PDE7B: variants seen among roughly 807,000 people sequenced by gnomAD.
The protein encoded by PDE7B is phosphodiesterase 7B.
PDE7B carries 29 observed loss-of-function variants against 56.2 expected under a neutral mutation model. The observed-to-expected ratio is 0.52, with a 90% CI of 0.38 to 0.70. The LOEUF is 0.70. Ranked by LOEUF, PDE7B falls within the 30% of genes least tolerant of loss-of-function variation. The pLI is 0.00. For missense variants in PDE7B, 490 were observed against 565.0 expected (o/e 0.87, Z 1.35); for synonymous variants, 197 against 196.9 (o/e 1.00, Z 0.00).
chr6:135,912,130 A>C (rs960653783), intron 1 of PDE7B, among the ~76,000 whole-genome samples: 1 of 152,200 alleles, frequency 6.6e-6, no homozygotes, highest in Non-Finnish European at 1.5e-5. Context: ...GTAAATGTCC[A>C]TGCATGCAAC....
At chr6:135,984,833 C>T (rs1038868348) in intron 2 of PDE7B, among the ~76,000 whole-genome samples, 2 of 152,028 alleles carry the variant, frequency 1.3e-5, no homozygotes, top group African/African-American at 4.8e-5. Flanking sequence ...GACGTGTATA[C>T]AGAGTCTGCA....
chr6:136,026,785 A>T (rs1023976211), intron 2 of PDE7B, among the ~76,000 whole-genome samples: 1 of 152,244 alleles, frequency 6.6e-6, no homozygotes, highest in Non-Finnish European at 1.5e-5. Flanking sequence ...AAGCATTCAA[A>T]GGAAGTGCTT....
intron 1 of PDE7B, among the ~76,000 whole-genome samples, chr6:135,899,052 G>A (rs1222566846): frequency 6.6e-6 from 1 of 151,992 alleles, no homozygotes; most frequent in Non-Finnish European, 1.5e-5. Flanking sequence ...CCTGAGATCT[G>A]GTGGTTTTAT....
intron 2 of PDE7B, among the ~76,000 whole-genome samples, chr6:136,040,415 A>G (rs1776393847): frequency 1.3e-5 from 2 of 152,154 alleles, no homozygotes; most frequent in South Asian, 4.1e-4. Flanking sequence ...CCCAAAGATG[A>G]GTGGCTTCAC....
chr6:136,191,282 C>T (rs1355936620), intron 12 of PDE7B, among the ~76,000 whole-genome samples: 1 of 152,204 alleles, frequency 6.6e-6, no homozygotes, highest in African/African-American at 2.4e-5. Context: ...CATTATCTTG[C>T]TTGCCCTTCT....
At chr6:135,878,943 C>A (rs764512139) in intron 1 of PDE7B, among the ~76,000 whole-genome samples, 10 of 152,044 alleles carry the variant, frequency 6.6e-5, no homozygotes, top group Admixed American at 6.5e-4. Context: ...ATATTATGAA[C>A]ACTAGCCCTT....
At chr6:136,037,319 C>T (rs916285116) in intron 2 of PDE7B, 9 of 649,982 alleles carry the variant, frequency 1.4e-5, no homozygotes, top group South Asian at 6.8e-5. Context: ...TCGCATCTTT[C>T]GGAGTTAACT....
chr6:136,036,035 G>A (rs1402970799), intron 2 of PDE7B, among the ~76,000 whole-genome samples: 1 of 152,216 alleles, frequency 6.6e-6, no homozygotes, highest in African/African-American at 2.4e-5. Context: ...TGTCAAGGAA[G>A]TTTGTGACTG....
chr6:135,883,685 T>G (rs191409562), intron 1 of PDE7B, among the ~76,000 whole-genome samples: 3 of 152,316 alleles, frequency 2.0e-5, no homozygotes, highest in African/African-American at 7.2e-5. Context: ...CTGTCTTTGG[T>G]CTACACTCTT....
At chr6:135,934,737 A>T (rs796140395) in intron 1 of PDE7B, among the ~76,000 whole-genome samples, 161 of 100,326 alleles carry the variant, frequency 1.6e-3, no homozygotes, top group East Asian at 0.014. Flanking sequence ...CTCAAAAAAA[A>T]AAATATATAT....
At position 136,002,383 on chromosome 6, in the gene PDE7B, C is replaced by G. The variant is rs1284056160; in HGVS notation, c.82+54859C>G. 2.0e-5 allele frequency among the ~76,000 whole-genome samples: 3 copies of G among 152,218 alleles called. No individual in the cohort carries two copies. In the South Asian group the frequency reaches 6.2e-4, roughly 32 times the overall value. On this transcript the variant is annotated intron_variant, in intron 2 of 12. Transcript: ENST00000308191. ...TTTAAATATAAATGGACTAAATGCT[C>G]CAATTAAAAGACACAGACTGAGAAA... is the stretch of plus-strand genomic sequence containing the variant.
intron 1 of PDE7B, among the ~76,000 whole-genome samples, chr6:135,865,790 A>C (rs759737307): frequency 7.2e-5 from 11 of 152,198 alleles, no homozygotes; most frequent in Non-Finnish European, 1.3e-4. Context: ...ATCTGATTTC[A>C]CATTGAATTA....
chr6:136,043,643 A>G, intron 2 of PDE7B, among the ~76,000 whole-genome samples: 1 of 149,056 alleles, frequency 6.7e-6, no homozygotes, highest in East Asian at 2.0e-4. Flanking sequence ...GTAAATGTAT[A>G]CTCTCATAAT....
chr6:135,986,294 G>T (rs1775375203), intron 2 of PDE7B, among the ~76,000 whole-genome samples: 1 of 152,166 alleles, frequency 6.6e-6, no homozygotes, highest in Non-Finnish European at 1.5e-5. Context: ...CCTCTGAGTG[G>T]ATTATGTGAA....
At chr6:136,157,692 C>T (rs1405034698) in intron 8 of PDE7B, among the ~76,000 whole-genome samples, 1 of 152,060 alleles carries the variant, frequency 6.6e-6, no homozygotes, top group East Asian at 1.9e-4. Context: ...GAAGGAGAAA[C>T]TGATTCTGCA....
At chr6:136,038,332 C>T in intron 2 of PDE7B, 1 of 1,292,504 alleles carries the variant, frequency 7.7e-7, no homozygotes, top group Non-Finnish European at 1.0e-6. Context: ...CAGAGCTAGG[C>T]AGGAGGTGGA....
chr6:136,088,490 A>T (rs1306220796), intron 2 of PDE7B, among the ~76,000 whole-genome samples: 1 of 152,212 alleles, frequency 6.6e-6, no homozygotes, highest in Non-Finnish European at 1.5e-5. Flanking sequence ...GGGACACATT[A>T]AAAGTCTTCA....
chr6:136,164,253 C>T (rs1226151328), intron 8 of PDE7B, among the ~76,000 whole-genome samples: 6 of 152,206 alleles, frequency 3.9e-5, no homozygotes, highest in Non-Finnish European at 1.5e-5. Flanking sequence ...AGTGCCAAGC[C>T]AAGGGGATAA....
intron 2 of PDE7B, among the ~76,000 whole-genome samples, chr6:136,004,958 A>G (rs1775750020): frequency 6.6e-6 from 1 of 152,234 alleles, no homozygotes; most frequent in South Asian, 2.1e-4. Flanking sequence ...AAACTATACT[A>G]CAAGGCTACA....
Sources: allele counts gnomAD v4.1 joint callset (sites outside exome capture counted in the v4.1 genomes callset), GRCh38; gene constraint gnomAD v4.1.1; transcripts MANE v1.5; gene names NCBI Gene and HGNC (gene_info 2026-07-23, HGNC 2026-07-21).